MAML3: variants seen among roughly 807,000 people sequenced by gnomAD.
The protein encoded by MAML3 is mastermind-like protein 3.
MAML3 carries 27 observed loss-of-function variants against 101.9 expected under a neutral mutation model. The ratio of observed to expected loss-of-function variants is 0.27; its 90% CI spans 0.20 to 0.37. MAML3 has a LOEUF of 0.37. Among genes scored for constraint, MAML3 ranks in the 10% least tolerant of loss-of-function variants. The pLI, the probability that MAML3 is intolerant of heterozygous loss-of-function variation, is 1.00. For missense variants in MAML3, 1,316 were observed against 1,444.9 expected, an observed-to-expected ratio of 0.91 and a Z score of 1.45; for synonymous variants, 501 against 555.9, an observed-to-expected ratio of 0.90 and a Z score of 1.39.
At chr4:139,937,365 T>G (rs1353903420) in intron 1 of MAML3, among the ~76,000 whole-genome samples, 1 of 152,014 alleles carries the variant, frequency 6.6e-6, no homozygotes, top group Non-Finnish European at 1.5e-5. Context: ...GGCAAAAGTC[T>G]GGTCTAGACA....
chr4:140,121,613 T>C (rs771514118), intron 1 of MAML3, among the ~76,000 whole-genome samples: 1 of 152,250 alleles, frequency 6.6e-6, no homozygotes, highest in Non-Finnish European at 1.5e-5. Flanking sequence ...TTTACAGACA[T>C]ACTTTGTTAA....
intron 1 of MAML3, among the ~76,000 whole-genome samples, chr4:140,107,158 A>T (rs1414875328): frequency 6.6e-6 from 1 of 152,216 alleles, no homozygotes; most frequent in Non-Finnish European, 1.5e-5. Context: ...GGCATGAGCC[A>T]CTGCGCCCAG....
At chr4:139,923,052 G>A (rs113578040) in intron 1 of MAML3, among the ~76,000 whole-genome samples, 6 of 152,304 alleles carry the variant, frequency 3.9e-5, no homozygotes, top group African/African-American at 1.2e-4. Flanking sequence ...AGAGGGATAC[G>A]TAACACACTG....
intron 1 of MAML3, among the ~76,000 whole-genome samples, chr4:139,930,111 C>T (rs563820357): frequency 6.6e-6 from 1 of 152,342 alleles, no homozygotes; most frequent in Non-Finnish European, 1.5e-5. Flanking sequence ...CTAAAACAGA[C>T]ACAATTCCCA....
At chr4:140,026,789 CTGTTCTAAT>C (rs899310066) in intron 1 of MAML3, among the ~76,000 whole-genome samples, 2 of 151,996 alleles carry the variant, frequency 1.3e-5, no homozygotes. Flanking sequence ...GCATTTTTTC[CTGTTCTAAT>C]TCCGCATAAA....
At chr4:139,915,947 A>C (rs1733018316) in intron 1 of MAML3, among the ~76,000 whole-genome samples, 2 of 152,208 alleles carry the variant, frequency 1.3e-5, no homozygotes, top group South Asian at 4.1e-4. Context: ...CCTCAACGTT[A>C]TCAGCAAACA....
chr4:139,822,407 G>A (rs1158164600), intron 2 of MAML3, among the ~76,000 whole-genome samples: 2 of 152,124 alleles, frequency 1.3e-5, no homozygotes, highest in Non-Finnish European at 2.9e-5. Flanking sequence ...GGTAAGTTCT[G>A]GGTATCAGGC....
chr4:139,829,556 C>T (rs1190666887), intron 2 of MAML3, among the ~76,000 whole-genome samples: 1 of 152,180 alleles, frequency 6.6e-6, no homozygotes, highest in East Asian at 1.9e-4. Context: ...GGCAACTCCA[C>T]AGTAATTCTG....
Position 140,154,086 on chromosome 4 carries a change from A to C in MAML3, c.-759T>G, listed in dbSNP as rs1729225627. ...TGCCGCTGCCGCCGCTGCTCCTGCC[A>C]CCATCACAATGATCAACTGCTCGCC... On this transcript the variant is annotated 5_prime_UTR_variant, in exon 1 of 5. Transcript: ENST00000509479. The C allele has an allele frequency of 5.8e-6, 1 of 173,874 alleles. No individual in the cohort carries two copies. The highest frequency in any genetic ancestry group is 2.4e-5 in the African/African-American group (1 of 41,642). 10.8% of individuals were successfully genotyped at this position (173,874 alleles called of 1,614,324 possible).
intron 2 of MAML3, among the ~76,000 whole-genome samples, chr4:139,858,927 A>G (rs1301592712): frequency 6.6e-6 from 1 of 152,192 alleles, no homozygotes; most frequent in Non-Finnish European, 1.5e-5. Flanking sequence ...GAAGGGTTTC[A>G]AGATGAGCAG....
Position 140,021,895 on chromosome 4 carries a change from A to C in MAML3, c.469-130928T>G, listed in dbSNP as rs922389751. ...ATAATGAGAGCAAATACCTATTAGC[A>C]CTTTTCTACGTGTCAGGTGCCTTAT... On this transcript the variant is annotated intron_variant, in intron 1 of 4. Coordinates refer to ENST00000509479, the MANE Select transcript of MAML3 (RefSeq NM_018717.5). 7.9e-5 allele frequency among the ~76,000 whole-genome samples: 12 copies of C among 152,194 alleles called. 1 individual carries two copies. The highest frequency in any genetic ancestry group is 1.5e-4 in the Non-Finnish European group (10 of 68,028).
rs1728074664 is a variant in MAML3 at position 139,718,257 on chromosome 4, A to C, written c.*1066T>G. On this transcript the variant is annotated 3_prime_UTR_variant, in exon 5 of 5. Transcript: ENST00000509479. ...ATATTCATTCAACGCTACACGTTAG[A>C]GAAAGAAGACTCCAGTGTCGCCTTT... 1 of 152,258 alleles carries C rather than the reference A, an allele frequency of 6.6e-6. No individual in the cohort carries two copies. The highest frequency in any genetic ancestry group is 1.9e-4 in the East Asian group (1 of 5,200). The allele number at this position is 152,258 out of a possible 1,614,324, so 9.4% of individuals were successfully genotyped here. A position where few individuals can be genotyped will look rare whatever the true frequency, so the allele number is the denominator to read the frequency against.
At chr4:140,116,404 T>A (rs545679703) in intron 1 of MAML3, among the ~76,000 whole-genome samples, 2 of 152,230 alleles carry the variant, frequency 1.3e-5, no homozygotes, top group Non-Finnish European at 2.9e-5. Flanking sequence ...ATGACACCTA[T>A]ATAGAGAACA....
intron 2 of MAML3, among the ~76,000 whole-genome samples, chr4:139,762,901 GA>G (rs1377807586): frequency 1.3e-5 from 2 of 152,192 alleles, no homozygotes; most frequent in African/African-American, 2.4e-5. Flanking sequence ...GAGGGCTGGA[GA>G]GGGGGTGCGT....
At chr4:139,959,552 G>C (rs534726251) in intron 1 of MAML3, among the ~76,000 whole-genome samples, 1 of 152,266 alleles carries the variant, frequency 6.6e-6, no homozygotes, top group African/African-American at 2.4e-5. Context: ...ACAAAAACTG[G>C]CCAGCAGCAG....
chr4:140,145,139 C>T (rs758681873), intron 1 of MAML3, among the ~76,000 whole-genome samples: 10 of 152,108 alleles, frequency 6.6e-5, no homozygotes, highest in Non-Finnish European at 1.5e-4. Flanking sequence ...CAGACGTGCT[C>T]GGGAGGTGGA....
chr4:140,036,705 T>C (rs1007994974), intron 1 of MAML3, among the ~76,000 whole-genome samples: 1 of 152,216 alleles, frequency 6.6e-6, no homozygotes, highest in East Asian at 1.9e-4. Context: ...AAGTGGCATA[T>C]CCTTTCTTCC....
chr4:139,868,726 TA>T (rs1473728013), intron 2 of MAML3, among the ~76,000 whole-genome samples: 20 of 152,190 alleles, frequency 1.3e-4, no homozygotes, highest in African/African-American at 4.8e-4. Flanking sequence ...TGTCTTCACT[TA>T]AAAATTGTGG....
chr4:139,748,768 C>T (rs1023958596), intron 2 of MAML3, among the ~76,000 whole-genome samples: 9 of 152,126 alleles, frequency 5.9e-5, no homozygotes, highest in South Asian at 2.1e-4. Context: ...TTTCAAGCTC[C>T]GAGGTTTTGA....
Sources: allele counts gnomAD v4.1 joint callset (sites outside exome capture counted in the v4.1 genomes callset), GRCh38; gene constraint gnomAD v4.1.1; transcripts MANE v1.5; gene names NCBI Gene and HGNC (gene_info 2026-07-23, HGNC 2026-07-21).